EYA4: variants seen among roughly 807,000 people sequenced by gnomAD.
EYA4 encodes the protein protein phosphatase EYA4.
In EYA4, 31 loss-of-function variants were observed where a neutral mutation model predicts 87.9. That is an observed-to-expected ratio of 0.35 (90% CI 0.27 to 0.48). EYA4 has a LOEUF of 0.48. Ranked by LOEUF, EYA4 falls within the 20% of genes least tolerant of loss-of-function variation. The pLI is 0.99. For missense variants in EYA4, 678 were observed against 761.4 expected (o/e 0.89, Z 1.29); for synonymous variants, 263 against 270.6 (o/e 0.97, Z 0.28).
At chr6:133,395,593 C>A (rs1169496506) in intron 3 of EYA4, among the ~76,000 whole-genome samples, 1 of 152,118 alleles carries the variant, frequency 6.6e-6, no homozygotes, top group African/African-American at 2.4e-5. Context: ...AACCCCATCT[C>A]TACTAAAAAT....
chr6:133,386,144 T>C (rs1223922509), intron 3 of EYA4, among the ~76,000 whole-genome samples: 2 of 152,168 alleles, frequency 1.3e-5, no homozygotes, highest in African/African-American at 2.4e-5. Context: ...AAAACAAAAT[T>C]AATATCCTTA....
intron 1 of EYA4, among the ~76,000 whole-genome samples, chr6:133,263,252 T>C (rs1034633246): frequency 2.8e-4 from 42 of 152,300 alleles, no homozygotes; most frequent in African/African-American, 9.4e-4. Context: ...AAGAAGATAA[T>C]TGAAGGCCGT....
intron 13 of EYA4, among the ~76,000 whole-genome samples, chr6:133,487,311 C>CTGT (rs1455179752): frequency 1.3e-5 from 2 of 152,146 alleles, no homozygotes; most frequent in African/African-American, 4.8e-5. Context: ...CCACAAGGAC[C>CTGT]GCAATTCCTG....
intron 3 of EYA4, among the ~76,000 whole-genome samples, chr6:133,403,121 G>T (rs369958647): frequency 2.6e-5 from 4 of 152,008 alleles, no homozygotes; most frequent in African/African-American, 9.7e-5. Flanking sequence ...TTGTGTTTAT[G>T]CATTTTGTGG....
intron 2 of EYA4, among the ~76,000 whole-genome samples, chr6:133,318,158 A>G (rs1205581909): frequency 6.6e-6 from 1 of 152,148 alleles, no homozygotes; most frequent in African/African-American, 2.4e-5. Context: ...TTTAGTTGGG[A>G]CTTTTTATTT....
In EYA4 at chr6:133,522,169, GTT is replaced by G. The variant is rs11301951; in HGVS notation, c.1617-873_1617-872del. On this transcript the variant is annotated intron_variant, in intron 17 of 19. Transcript: ENST00000355286. ...TCTGGTGCATCTACATGGTAGAGTA[GTT>G]TTTTTTTTTTTTTAATTATACTTTA... Among the ~76,000 whole-genome samples, 374 of 131,130 alleles carry G rather than the reference GTT, an allele frequency of 2.9e-3. 12 individuals carry two copies. The East Asian group carries it at 0.068, about 24-fold the overall frequency. 86.0% of individuals were successfully genotyped at this position (131,130 alleles called of 152,430 possible).
intron 1 of EYA4, among the ~76,000 whole-genome samples, chr6:133,254,128 T>A (rs1472623138): frequency 6.6e-6 from 1 of 152,216 alleles, no homozygotes; most frequent in Non-Finnish European, 1.5e-5. Context: ...GAAAAACAGG[T>A]ATGTCCGGCG....
At chr6:133,364,659 G>A (rs963608365) in intron 2 of EYA4, among the ~76,000 whole-genome samples, 1 of 152,344 alleles carries the variant, frequency 6.6e-6, no homozygotes, top group South Asian at 2.1e-4. Context: ...CACATTTTCA[G>A]GTTATGAGTT....
At chr6:133,511,372 TGTAA>T (rs1294148770) in intron 14 of EYA4, among the ~76,000 whole-genome samples, 1 of 152,116 alleles carries the variant, frequency 6.6e-6, no homozygotes, top group African/African-American at 2.4e-5. Flanking sequence ...AGTCAGAAGC[TGTAA>T]GTATGAGTAA....
intron 3 of EYA4, among the ~76,000 whole-genome samples, chr6:133,429,654 T>G (rs1791006069): frequency 6.6e-6 from 1 of 152,264 alleles, no homozygotes; most frequent in Non-Finnish European, 1.5e-5. Flanking sequence ...TTTTGTTTTG[T>G]TTTCATGATC....
Position 133,481,724 on chromosome 6 carries a change from A to G in EYA4, c.1107+125A>G. On this transcript the variant is annotated intron_variant, in intron 12 of 19. Coordinates refer to ENST00000355286, the MANE Select transcript of EYA4 (RefSeq NM_004100.5). ...CAAGATATATCATGAATTGAATGGA[A>G]CTACTTTGTGATAGGCATTTTACAA... 3 of 1,085,714 alleles carry G rather than the reference A, an allele frequency of 2.8e-6. No individual in the cohort carries two copies. The South Asian group carries it at 3.9e-5, about 14-fold the overall frequency. 67.3% of individuals were successfully genotyped at this position (1,085,714 alleles called of 1,614,324 possible).
chr6:133,479,875 A>G (rs2128703677), intron 11 of EYA4, among the ~76,000 whole-genome samples: 1 of 152,298 alleles, frequency 6.6e-6, no homozygotes, highest in Non-Finnish European at 1.5e-5. Flanking sequence ...TTGCTCCTAC[A>G]GATTTGCTAC....
chr6:133,363,427 A>T (rs1784603198), intron 2 of EYA4: 1 of 151,788 alleles, frequency 6.6e-6, no homozygotes, highest in African/African-American at 2.4e-5. Context: ...CCTTTAAAGA[A>T]GGGTCTCTTC....
intron 13 of EYA4, chr6:133,502,537 G>A (rs1238839879): frequency 2.6e-5 from 4 of 152,160 alleles, no homozygotes; most frequent in Non-Finnish European, 5.9e-5. Context: ...TGGCAAGATG[G>A]AGGGTGCCCA....
At chr6:133,474,916 A>C (rs1795594060) in intron 11 of EYA4, among the ~76,000 whole-genome samples, 1 of 152,136 alleles carries the variant, frequency 6.6e-6, no homozygotes. Flanking sequence ...ATGAAAACAT[A>C]CCTTATGTTC....
intron 3 of EYA4, among the ~76,000 whole-genome samples, chr6:133,425,361 T>A (rs1790576968): frequency 6.7e-6 from 1 of 150,318 alleles, no homozygotes; most frequent in Non-Finnish European, 1.5e-5. Context: ...CCTAAGAAAT[T>A]AAAGTGCACA....
At position 133,506,114 on chromosome 6, in the gene EYA4, C is replaced by T; in HGVS notation, c.1200C>T (p.Pro400=). 6.2e-7 allele frequency: 1 copy of T among 1,601,674 alleles called. No individual in the cohort carries two copies. ...SYAQKYGKDP[P]MAVTLGLRME... ...GTACATTTTCTTTACAGGATCCCCC[C>T]ATGGCTGTAACCCTTGGACTCCGCA... Residue 400 remains proline (P), a synonymous_variant, in exon 14 of 20, where the codon CCC becomes CCT. Coordinates refer to ENST00000355286, the MANE Select transcript of EYA4 (RefSeq NM_004100.5).
intron 3 of EYA4, among the ~76,000 whole-genome samples, chr6:133,442,672 CT>C (rs1425791256): frequency 4.6e-5 from 7 of 151,906 alleles, no homozygotes; most frequent in African/African-American, 1.7e-4. Context: ...TTATCTTTGT[CT>C]TGTACTGGCT....
intron 2 of EYA4, among the ~76,000 whole-genome samples, chr6:133,301,957 A>G (rs879802773): frequency 1.3e-5 from 2 of 152,206 alleles, no homozygotes; most frequent in African/African-American, 2.4e-5. Context: ...GGACGAAGAG[A>G]GAGGAAGTAT....
Sources: gnomAD v4.1 joint callset for allele counts (sites outside exome capture counted in the v4.1 genomes callset) on GRCh38, gnomAD v4.1.1 for gene constraint, MANE v1.5 for transcripts, NCBI Gene and HGNC (gene_info 2026-07-23, HGNC 2026-07-21) for gene names.